The following MAML3 variants were observed in gnomAD, a reference collection of about 807,000 sequenced individuals.
MAML3 encodes the protein mastermind like transcriptional coactivator 3, also known as mastermind-like protein 3.
MAML3 carries 27 observed loss-of-function variants against 101.9 expected under a neutral mutation model. That is an observed-to-expected ratio of 0.27 (90% CI 0.20 to 0.37). MAML3 has a LOEUF of 0.37. Among genes scored for constraint, MAML3 ranks in the 10% least tolerant of loss-of-function variants. The pLI is 1.00. For missense variants in MAML3, 1,316 were observed against 1,444.9 expected (o/e 0.91, Z 1.45); for synonymous variants, 501 against 555.9 (o/e 0.90, Z 1.39).
At chr4:139,966,357 G>A (rs1044780574) in intron 1 of MAML3, among the ~76,000 whole-genome samples, 1 of 151,998 alleles carries the variant, frequency 6.6e-6, no homozygotes, top group Non-Finnish European at 1.5e-5. Context: ...TGCAGAACAC[G>A]GCACAGTACA....
intron 2 of MAML3, among the ~76,000 whole-genome samples, chr4:139,772,137 A>G (rs186223647): frequency 0.018 from 2,586 of 142,806 alleles, 77 homozygotes; most frequent in African/African-American, 0.062. Context: ...CTACTGGGGA[A>G]GCTGAGGCAG....
At chr4:139,819,949 TG>T (rs1730948647) in intron 2 of MAML3, among the ~76,000 whole-genome samples, 1 of 152,214 alleles carries the variant, frequency 6.6e-6, no homozygotes, top group Non-Finnish European at 1.5e-5. Flanking sequence ...TTTGATGACT[TG>T]GGCTTTCTCA....
chr4:139,890,005 T>C lies in MAML3; in HGVS notation c.1431A>G (p.Gln477=), dbSNP rs1372364557. 7 of 1,611,046 alleles carry C rather than the reference T, an allele frequency of 4.3e-6. No individual in the cohort carries two copies. Among genetic ancestry groups the C allele is most frequent in the African/African-American group, 2.7e-5 (2 of 74,896 alleles). The part of the protein sequence containing the change: ...QLKQMAAQQQ[Q]RAKLMQQKQQ... ...GTTTCTGCTGCATGAGTTTGGCCCT[T>C]TGTTGCTGCTGTGCAGCCATCTGTT... The change falls in exon 2 of 5, where the codon CAA becomes CAG. Residue 477 remains glutamine, a synonymous_variant. Coordinates refer to ENST00000509479, the MANE Select transcript of MAML3 (RefSeq NM_018717.5). The surrounding 1 kb of genome is among the most constrained non-coding windows in gnomAD (Gnocchi z 4.1).
chr4:139,764,443 GA>G (rs1426812376), intron 2 of MAML3, among the ~76,000 whole-genome samples: 1 of 152,190 alleles, frequency 6.6e-6, no homozygotes, highest in South Asian at 2.1e-4. Context: ...ACCTTTTCCC[GA>G]ATGGCCATTA....
chr4:139,957,707 T>C (rs1733940298), intron 1 of MAML3, among the ~76,000 whole-genome samples: 1 of 152,244 alleles, frequency 6.6e-6, no homozygotes, highest in East Asian at 1.9e-4. Flanking sequence ...TCTTTGGCTG[T>C]CTTTACATCT....
intron 1 of MAML3, among the ~76,000 whole-genome samples, chr4:140,133,592 GT>G (rs138692133): frequency 1.3e-5 from 2 of 151,524 alleles, no homozygotes; most frequent in Non-Finnish European, 2.9e-5. Context: ...GGAGGGGCAA[GT>G]TTTTTTTTAA....
chr4:139,861,963 C>A (rs1336227909), intron 2 of MAML3, among the ~76,000 whole-genome samples: 2 of 152,050 alleles, frequency 1.3e-5, no homozygotes, highest in Non-Finnish European at 2.9e-5. Flanking sequence ...AATCCCAGCA[C>A]TTTGGGAGGC....
chr4:139,927,072 C>CTTTTTTTTTTTTTTTTTCT (rs61573991), intron 1 of MAML3, among the ~76,000 whole-genome samples: 4 of 134,728 alleles, frequency 3.0e-5, no homozygotes, highest in Non-Finnish European at 4.7e-5. Flanking sequence ...TTTCTTTTTT[C>CTTTTTTTTTTTTTTTTTCT]TTTTTTTTTT....
At chr4:140,077,940 C>T (rs1727798426) in intron 1 of MAML3, among the ~76,000 whole-genome samples, 1 of 152,060 alleles carries the variant, frequency 6.6e-6, no homozygotes, top group South Asian at 2.1e-4. Context: ...ATCGCTTGAA[C>T]TCAGGAGGCA....
At chr4:140,051,557 C>CA (rs545993388) in intron 1 of MAML3, among the ~76,000 whole-genome samples, 4,001 of 102,986 alleles carry the variant, frequency 0.039, 101 homozygotes, top group South Asian at 0.14. Flanking sequence ...GACTCAGTCT[C>CA]AAAAAAAAAA....
At chr4:139,892,879 C>T (rs946118332) in intron 1 of MAML3, among the ~76,000 whole-genome samples, 38 of 144,464 alleles carry the variant, frequency 2.6e-4, no homozygotes, top group African/African-American at 9.8e-4. Context: ...TGCAGTGAGC[C>T]GAGATCGTGC....
chr4:139,823,145 T>G (rs1275636244), intron 2 of MAML3, among the ~76,000 whole-genome samples: 1 of 152,218 alleles, frequency 6.6e-6, no homozygotes, highest in Non-Finnish European at 1.5e-5. Context: ...AGTAAATGAT[T>G]CCTCATTATG....
chr4:140,057,258 A>G (rs112803325), intron 1 of MAML3, among the ~76,000 whole-genome samples: 263 of 152,306 alleles, frequency 1.7e-3, no homozygotes, highest in African/African-American at 6.0e-3. Flanking sequence ...ACAGAACGAG[A>G]TCTTGTCTCT....
At chr4:139,725,937 C>T in intron 3 of MAML3, 102 bp from the exon 4 acceptor site, 3 of 941,162 alleles carry the variant, frequency 3.2e-6, no homozygotes, top group Non-Finnish European at 5.0e-6. Context: ...TTCCCCAAAA[C>T]TAAACTTTGT....
At chr4:139,754,729 G>C (rs144134389) in intron 2 of MAML3, among the ~76,000 whole-genome samples, 2 of 152,158 alleles carry the variant, frequency 1.3e-5, no homozygotes, top group Non-Finnish European at 2.9e-5. Context: ...AATATACAAG[G>C]GTGTCTGGAT....
intron 2 of MAML3, among the ~76,000 whole-genome samples, chr4:139,770,538 G>T (rs915044304): frequency 6.6e-6 from 1 of 152,198 alleles, no homozygotes; most frequent in Non-Finnish European, 1.5e-5. Flanking sequence ...GGAGATTGGT[G>T]GTGGCTGAGC....
chr4:139,944,053 G>C (rs1733658835), intron 1 of MAML3, among the ~76,000 whole-genome samples: 1 of 151,842 alleles, frequency 6.6e-6, no homozygotes. Flanking sequence ...TGTAATTTTA[G>C]TAGAGAGGGG....
intron 2 of MAML3, among the ~76,000 whole-genome samples, chr4:139,759,450 T>C (rs1162953512): frequency 6.6e-6 from 1 of 152,234 alleles, no homozygotes; most frequent in Non-Finnish European, 1.5e-5. Flanking sequence ...CCGGCCTGAC[T>C]CCTCACCTTG....
At chr4:139,887,309 C>G (rs1463611950) in intron 2 of MAML3, among the ~76,000 whole-genome samples, 1 of 152,162 alleles carries the variant, frequency 6.6e-6, no homozygotes, top group Non-Finnish European at 1.5e-5. Context: ...ACGCTTTTAC[C>G]TGATGAGATT....
Sources: gnomAD v4.1 joint callset for allele counts (sites outside exome capture counted in the v4.1 genomes callset) on GRCh38, gnomAD v4.1.1 for gene constraint, Gnocchi (gnomAD v3.1) non-coding constraint, MANE v1.5 for transcripts, NCBI Gene and HGNC (gene_info 2026-07-23, HGNC 2026-07-21) for gene names.